The following PDS5B variants were observed in gnomAD, a reference collection of about 807,000 sequenced individuals.
The protein encoded by PDS5B is sister chromatid cohesion protein PDS5 homolog B.
Under a neutral mutation model 184.1 loss-of-function variants are expected in PDS5B, and 51 were observed. The observed-to-expected ratio is 0.28, with a 90% confidence interval of 0.22 to 0.35. The LOEUF (loss-of-function observed/expected upper bound fraction) is 0.35, where lower values mean the gene tolerates loss of function less well. PDS5B is among the 10% of genes least tolerant of loss of function. PDS5B has a pLI of 1.00. For missense variants in PDS5B, 1,180 were observed against 1,723.3 expected, an observed-to-expected ratio of 0.68 and a Z score of 5.58; for synonymous variants, 566 against 569.2, an observed-to-expected ratio of 0.99 and a Z score of 0.08.
chr13:32,702,078 A>G (rs999287975), intron 17 of PDS5B, among the ~76,000 whole-genome samples: 1 of 152,150 alleles, frequency 6.6e-6, no homozygotes, highest in African/African-American at 2.4e-5. Context: ...TACAATATAT[A>G]TAGCGCATAC....
rs758669346 is a variant in PDS5B at position 32,683,857 on chromosome 13, TAATAA to T, written c.1058-17_1058-13del. The T allele has an allele frequency of 1.3e-6, 2 of 1,532,204 alleles. No individual in the cohort carries two copies. The highest frequency in any genetic ancestry group is 2.3e-5 in the South Asian group (2 of 85,386). The allele number at this position is 1,532,204 out of a possible 1,614,324, so 94.9% of individuals were successfully genotyped here. A position where few individuals can be genotyped will look rare whatever the true frequency, so the allele number is the denominator to read the frequency against. On this transcript the variant is annotated splice_polypyrimidine_tract_variant and intron_variant, in intron 10 of 34. Transcript: ENST00000315596. ...ATTTTAGTTATTAAAATTTCCACTG[TAATAA>T]AATGTTATCTTTCAGAGTATCTTAA...
intron 5 of PDS5B, 39 bp from the exon 6 acceptor site, chr13:32,659,115 C>T (rs1456643228): frequency 1.4e-6 from 2 of 1,475,860 alleles, no homozygotes; most frequent in East Asian, 2.4e-5. Context: ...TCCTGTATAT[C>T]TCAGTTGTAA....
rs778062577 is a variant in PDS5B at position 32,753,504 on chromosome 13, G to A, written c.2909G>A (p.Arg970Gln). The change falls in exon 25 of 35, where the codon CGG becomes CAG. Residue 970 changes from arginine to glutamine, a missense_variant. By Grantham distance (43) the Arg-to-Gln change is conservative (BLOSUM62 1). Coordinates refer to ENST00000315596, the MANE Select transcript of PDS5B (RefSeq NM_015032.4). ...QCLVKNINVRREYLKQHAAVS... is the reference protein window; with the variant it reads ...QCLVKNINVRQEYLKQHAAVS... Reference sequence around the variant, plus strand: ...TTGGTGAAAAATATAAATGTAAGGCGGGAGTATCTGAAGCAGCATGCAGCT... The same window carrying A: ...TTGGTGAAAAATATAAATGTAAGGCAGGAGTATCTGAAGCAGCATGCAGCT... The A allele has an allele frequency of 1.9e-6, 3 of 1,613,484 alleles. No homozygotes were observed. The highest frequency in any genetic ancestry group is 2.5e-6 in the Non-Finnish European group (3 of 1,179,568).
At position 32,777,177 on chromosome 13, in the gene PDS5B, C is replaced by T. The variant is rs1954980851; in HGVS notation, c.*2125C>T. On this transcript the variant is annotated 3_prime_UTR_variant, in exon 35 of 35. Transcript: ENST00000315596. ...AGTGATTGTGAAGGATTTTTATTTG[C>T]ATGATTATAGTTAAGCAAATTTCAT... The T allele has an allele frequency of 6.6e-6, 1 of 151,918 alleles. No homozygotes were observed. Among genetic ancestry groups the T allele is most frequent in the South Asian group, 2.1e-4 (1 of 4,826 alleles). The allele number at this position is 151,918 out of a possible 1,614,324, so 9.4% of individuals were successfully genotyped here.
At chr13:32,636,134 C>G (rs969268420) in intron 1 of PDS5B, among the ~76,000 whole-genome samples, 2 of 152,202 alleles carry the variant, frequency 1.3e-5, no homozygotes. Flanking sequence ...AACGAGAAAA[C>G]TTGACCTCTT....
At chr13:32,662,013 A>C (rs1020153030) in intron 6 of PDS5B, among the ~76,000 whole-genome samples, 2 of 152,132 alleles carry the variant, frequency 1.3e-5, no homozygotes, top group African/African-American at 4.8e-5. Context: ...AGTAAATGTA[A>C]ATGACCTGTA....
chr13:32,697,297 A>G (rs1260602567), intron 15 of PDS5B, among the ~76,000 whole-genome samples: 1 of 152,214 alleles, frequency 6.6e-6, no homozygotes, highest in Non-Finnish European at 1.5e-5. Context: ...CAGTAAATGC[A>G]AAAGGATTAT....
At position 32,616,345 on chromosome 13, in the gene PDS5B, G is replaced by C. The variant is rs552216120; in HGVS notation, c.-20+29752G>C. Reference sequence around the variant, plus strand: ...GCTGGGATTACAGGAGTGAGCCACTGCGCCTGGCCCCTCCCGTCTCTTTAA... The same window carrying C: ...GCTGGGATTACAGGAGTGAGCCACTCCGCCTGGCCCCTCCCGTCTCTTTAA... On this transcript the variant is annotated intron_variant, in intron 1 of 34. Coordinates refer to ENST00000315596, the MANE Select transcript of PDS5B (RefSeq NM_015032.4). Among the ~76,000 whole-genome samples, 3 of 151,998 alleles carry C rather than the reference G, an allele frequency of 2.0e-5. No individual in the cohort carries two copies. The South Asian group carries it at 6.3e-4, about 32-fold the overall frequency.
intron 1 of PDS5B, among the ~76,000 whole-genome samples, chr13:32,621,959 C>T (rs995197614): frequency 6.6e-6 from 1 of 152,088 alleles, no homozygotes; most frequent in Admixed American, 6.5e-5. Flanking sequence ...ATCATTCTTT[C>T]AATATTTCTT....
In PDS5B at chr13:32,627,700, A is replaced by G. The variant is rs78647170; in HGVS notation, c.-19-21054A>G. ...GATTATATAATATTGTTGGAGTGAT[A>G]AGTATTAAGGATTGCCAAAAACTGC... On this transcript the variant is annotated intron_variant, in intron 1 of 34. Transcript: ENST00000315596. 1.0e-2 allele frequency among the ~76,000 whole-genome samples: 1,519 copies of G among 152,314 alleles called. 12 individuals are homozygous for G. Among genetic ancestry groups the G allele is most frequent in the African/African-American group, 0.026 (1,071 of 41,570 alleles).
intron 1 of PDS5B, among the ~76,000 whole-genome samples, chr13:32,643,585 A>G (rs1042128763): frequency 1.3e-5 from 2 of 152,218 alleles, no homozygotes; most frequent in Admixed American, 1.3e-4. Flanking sequence ...TGGTGGTTCC[A>G]TAAGCTTATA....
At chr13:32,652,674 T>TA (rs1423478392) in intron 3 of PDS5B, 3 of 151,086 alleles carry the variant, frequency 2.0e-5, no homozygotes, top group African/African-American at 7.3e-5. Context: ...GGAGGAGTGC[T>TA]TGAACCCCCG....
chr13:32,716,821 C>T (rs1331080101), intron 19 of PDS5B, among the ~76,000 whole-genome samples: 6 of 89,382 alleles, frequency 6.7e-5, no homozygotes, highest in Non-Finnish European at 1.8e-4. Context: ...CCCGGCCAGC[C>T]GCCCTGTCTG....
chr13:32,758,442 C>A, intron 27 of PDS5B, 92 bp from the exon 28 acceptor site: 3 of 1,274,156 alleles, frequency 2.4e-6, no homozygotes, highest in African/African-American at 1.5e-5. Context: ...GTTTGCTATT[C>A]AGACTGGATT....
chr13:32,594,141 C>T (rs771432517), intron 1 of PDS5B, among the ~76,000 whole-genome samples: 1 of 152,078 alleles, frequency 6.6e-6, no homozygotes, highest in Non-Finnish European at 1.5e-5. Context: ...AAAATAAAAC[C>T]CCCGAACCTA....
At chr13:32,714,184 C>T (rs893306230) in intron 19 of PDS5B, among the ~76,000 whole-genome samples, 2 of 152,190 alleles carry the variant, frequency 1.3e-5, no homozygotes, top group Non-Finnish European at 1.5e-5. Context: ...AGGATGAGAT[C>T]ACAGGACCAC....
At chr13:32,609,481 A>G (rs1318528465) in intron 1 of PDS5B, among the ~76,000 whole-genome samples, 2 of 152,028 alleles carry the variant, frequency 1.3e-5, no homozygotes, top group African/African-American at 2.4e-5. Context: ...TTGGCTAACA[A>G]CTCAGTTAGT....
chr13:32,631,556 A>G (rs1322800856), intron 1 of PDS5B, among the ~76,000 whole-genome samples: 1 of 152,200 alleles, frequency 6.6e-6, no homozygotes, highest in African/African-American at 2.4e-5. Context: ...TAGGTGCTCA[A>G]TAAATATTTG....
intron 5 of PDS5B, among the ~76,000 whole-genome samples, chr13:32,658,824 T>C (rs979231424): frequency 2.0e-5 from 3 of 152,196 alleles, no homozygotes; most frequent in Non-Finnish European, 2.9e-5. Context: ...GAGCTTTTTG[T>C]GTATGCTTTA....
Sources: gnomAD v4.1 joint callset for allele counts (sites outside exome capture counted in the v4.1 genomes callset) on GRCh38, gnomAD v4.1.1 for gene constraint, MANE v1.5 for transcripts, NCBI Gene and HGNC (gene_info 2026-07-23, HGNC 2026-07-21) for gene names.